CPED1: variants seen among roughly 807,000 people sequenced by gnomAD.
CPED1 encodes the protein cadherin like and PC-esterase domain containing 1.
Under a neutral mutation model 128.2 loss-of-function variants are expected in CPED1, and 114 were observed. The observed-to-expected ratio is 0.89, with a 90% CI of 0.76 to 1.04. The LOEUF (loss-of-function observed/expected upper bound fraction) is 1.04. Among genes scored for constraint, CPED1 ranks in the 50% least tolerant of loss-of-function variants. The pLI is 0.00. For synonymous variants in CPED1, 462 were observed against 426.7 expected (o/e 1.08, Z -1.02); for missense variants, 1,211 against 1,207.1 (o/e 1.00, Z -0.05).
At chr7:121,000,215 G>A (rs1269328474) in intron 2 of CPED1, among the ~76,000 whole-genome samples, 2 of 152,084 alleles carry the variant, frequency 1.3e-5, no homozygotes, top group Non-Finnish European at 2.9e-5. Flanking sequence ...CTAAAAGAAT[G>A]AGCTCATGTT....
chr7:121,047,979 T>A (rs1793260119), intron 4 of CPED1, among the ~76,000 whole-genome samples: 1 of 152,112 alleles, frequency 6.6e-6, no homozygotes, highest in African/African-American at 2.4e-5. Context: ...CTGCTGGGGA[T>A]AACTCCTTTC....
chr7:121,004,584 G>C (rs776532392), intron 2 of CPED1, among the ~76,000 whole-genome samples: 8 of 152,110 alleles, frequency 5.3e-5, no homozygotes, highest in Non-Finnish European at 8.8e-5. Context: ...AGAGCTAGGA[G>C]AACAACTGAG....
chr7:121,098,747 A>ATAT (rs1164776896), intron 6 of CPED1, among the ~76,000 whole-genome samples: 706 of 9,188 alleles, frequency 0.077, 19 homozygotes, highest in African/African-American at 0.11. Context: ...TATATATAAA[A>ATAT]ATATATAAAA....
intron 16 of CPED1, among the ~76,000 whole-genome samples, chr7:121,205,420 TCA>T (rs1797495908): frequency 1.3e-5 from 2 of 152,136 alleles, no homozygotes; most frequent in East Asian, 1.9e-4. Flanking sequence ...TTGAAAGATT[TCA>T]CAGTCACTCC....
chr7:121,136,760 G>A (rs992507051), intron 14 of CPED1, among the ~76,000 whole-genome samples: 10 of 151,916 alleles, frequency 6.6e-5, no homozygotes, highest in Non-Finnish European at 1.5e-4. Context: ...AATTTAGGCC[G>A]GGCACAGTGG....
chr7:120,988,927 C>T lies in CPED1; in HGVS notation c.-232+15C>T, dbSNP rs1427958887. 6.6e-6 allele frequency: 1 copy of T among 152,166 alleles called. No individual in the cohort carries two copies. The highest frequency in any genetic ancestry group is 2.4e-5 in the African/African-American group (1 of 41,418). 9.4% of individuals were successfully genotyped at this position (152,166 alleles called of 1,614,324 possible). A position where few individuals can be genotyped will look rare whatever the true frequency, so the allele number is the denominator to read the frequency against. ...ATGAAAACTGAGTAAGTACATAGAA[C>T]TTTGAACTTGAGACGGAATGAAACA... On this transcript the variant is annotated intron_variant, in intron 1 of 22. Transcript: ENST00000310396.
intron 16 of CPED1, among the ~76,000 whole-genome samples, chr7:121,230,305 A>G (rs911936882): frequency 6.6e-6 from 1 of 151,986 alleles, no homozygotes; most frequent in African/African-American, 2.4e-5. Context: ...GAAAACTGAA[A>G]TGTCTGGCTT....
intron 16 of CPED1, among the ~76,000 whole-genome samples, chr7:121,167,908 T>G (rs1415735835): frequency 2.0e-5 from 3 of 151,994 alleles, no homozygotes; most frequent in Non-Finnish European, 4.4e-5. Context: ...ATTTTTTTTG[T>G]ATTTTTAGTA....
At chr7:121,225,800 G>A (rs995689682) in intron 16 of CPED1, among the ~76,000 whole-genome samples, 1 of 152,036 alleles carries the variant, frequency 6.6e-6, no homozygotes, top group Non-Finnish European at 1.5e-5. Flanking sequence ...GCATCACGAA[G>A]TTCTCATGCC....
chr7:121,288,212 G>A (rs1792624369), intron 22 of CPED1, among the ~76,000 whole-genome samples: 1 of 152,104 alleles, frequency 6.6e-6, no homozygotes, highest in African/African-American at 2.4e-5. Context: ...AATCAAAATT[G>A]AACTAATTCT....
chr7:121,191,141 G>A (rs1219784810), intron 16 of CPED1, among the ~76,000 whole-genome samples: 1 of 152,046 alleles, frequency 6.6e-6, no homozygotes, highest in African/African-American at 2.4e-5. Context: ...GGTGCTTGGG[G>A]GAAAAAAGTA....
intron 22 of CPED1, among the ~76,000 whole-genome samples, chr7:121,290,312 A>T (rs1584658325): frequency 6.6e-6 from 1 of 152,142 alleles, no homozygotes; most frequent in Non-Finnish European, 1.5e-5. Context: ...TAATCTTTGG[A>T]TATATACCCA....
intron 2 of CPED1, among the ~76,000 whole-genome samples, chr7:121,007,298 C>T (rs1792048430): frequency 1.4e-5 from 2 of 147,140 alleles, no homozygotes; most frequent in South Asian, 4.3e-4. Flanking sequence ...TCTCTTCTTC[C>T]TTCAGTTACA....
At chr7:121,048,087 A>G (rs1243962140) in intron 4 of CPED1, among the ~76,000 whole-genome samples, 2 of 151,960 alleles carry the variant, frequency 1.3e-5, no homozygotes, top group South Asian at 2.1e-4. Context: ...TTTACAACCA[A>G]CTTTTCTCTG....
chr7:121,084,502 A>G (rs1443844777), intron 5 of CPED1, among the ~76,000 whole-genome samples: 1 of 152,206 alleles, frequency 6.6e-6, no homozygotes, highest in African/African-American at 2.4e-5. Context: ...TGGTTGTATC[A>G]TAGAGGGAAA....
In CPED1 at chr7:121,082,530, T is replaced by C. The variant is rs1257815931; in HGVS notation, c.617-15169T>C. 2.6e-5 allele frequency among the ~76,000 whole-genome samples: 4 copies of C among 152,356 alleles called. No individual in the cohort carries two copies. The South Asian group carries it at 6.2e-4, about 24-fold the overall frequency. On this transcript the variant is annotated intron_variant, in intron 5 of 22. Transcript: ENST00000310396. ...GCTTTATGATTTTATGCTGCAGGAT[T>C]ATTTTATAGATAGATTACCCTAAAA... is the stretch of plus-strand genomic sequence containing the variant.
rs367905974 is a variant in CPED1 at position 121,127,301 on chromosome 7, T to C, written c.1302+44T>C. The C allele has an allele frequency of 3.9e-5, 48 of 1,237,778 alleles. No homozygotes were observed. The African/African-American group carries it at 6.6e-4, about 17-fold the overall frequency. The allele number at this position is 1,237,778 out of a possible 1,614,324, so 76.7% of individuals were successfully genotyped here. A position where few individuals can be genotyped will look rare whatever the true frequency, so the allele number is the denominator to read the frequency against. ...ACTGATAAATATTTTTTCAAGTCAT[T>C]CCTTAGAAGGTGTCATTCTCCTTAT... On this transcript the variant is annotated intron_variant, in intron 10 of 22. Coordinates refer to ENST00000310396, the MANE Select transcript of CPED1 (RefSeq NM_024913.5).
intron 5 of CPED1, among the ~76,000 whole-genome samples, chr7:121,070,698 T>C (rs1324089764): frequency 6.6e-6 from 1 of 152,120 alleles, no homozygotes; most frequent in Non-Finnish European, 1.5e-5. Context: ...CCCCAAAACT[T>C]ACCGAATTCA....
chr7:121,043,402 T>A (rs1273306727), intron 3 of CPED1, among the ~76,000 whole-genome samples: 1 of 152,162 alleles, frequency 6.6e-6, no homozygotes, highest in Non-Finnish European at 1.5e-5. Flanking sequence ...TCTTATGGAA[T>A]AGCATGATAA....
Sources: gnomAD v4.1 joint callset for allele counts (sites outside exome capture counted in the v4.1 genomes callset) on GRCh38, gnomAD v4.1.1 for gene constraint, MANE v1.5 for transcripts, NCBI Gene and HGNC (gene_info 2026-07-23, HGNC 2026-07-21) for gene names.